Variants in AATK observed in about 807,000 individuals in gnomAD.
AATK encodes the protein lemur tail kinase 1.
Under a neutral mutation model 114.3 loss-of-function variants are expected in AATK, and 91 were observed. That is an observed-to-expected ratio of 0.80 (90% CI 0.67 to 0.95). The LOEUF is 0.95. AATK is among the 40% of genes least tolerant of loss of function. The pLI is 0.00. For synonymous variants in AATK, 1,075 were observed against 916.5 expected (o/e 1.17, Z -3.12); for missense variants, 2,176 against 1,965.2 (o/e 1.11, Z -2.03).
chr17:81,150,687 G>T (rs1280658774), intron 1 of AATK, among the ~76,000 whole-genome samples: 1 of 152,178 alleles, frequency 6.6e-6, no homozygotes, highest in African/African-American at 2.4e-5. Context: ...ACGTGGAAAG[G>T]TGCGGCACAA....
intron 9 of AATK, among the ~76,000 whole-genome samples, chr17:81,123,783 G>GGGCAGGGCTGGGTAACA (rs1380857568): frequency 4.6e-5 from 7 of 150,802 alleles, no homozygotes; most frequent in African/African-American, 1.7e-4. Context: ...AGGCCAGCAT[G>GGGCAGGGCTGGGTAACA]GGCAGGGCTG....
At chr17:81,145,687 C>T (rs192270427) in intron 1 of AATK, among the ~76,000 whole-genome samples, 10 of 133,790 alleles carry the variant, frequency 7.5e-5, no homozygotes, top group Admixed American at 5.2e-4. Flanking sequence ...GAGCGGAAAT[C>T]GTGCCATTGC....
chr17:81,137,932 AC>A (rs1567817312), intron 1 of AATK, among the ~76,000 whole-genome samples: 4 of 117,420 alleles, frequency 3.4e-5, no homozygotes, highest in African/African-American at 6.1e-5. Flanking sequence ...ACACAGCCAC[AC>A]GCACACATCC....
rs1254846136 is a variant in AATK at position 81,130,958 on chromosome 17, C to G, written c.334+103G>C. On this transcript the variant is annotated intron_variant, in intron 3 of 13. Coordinates refer to ENST00000326724, the MANE Select transcript of AATK (RefSeq NM_001080395.3). ...ACAGGCCACTCCCAGCCCTGTGCTGCCCCCACTCCAGAGCTGAGTCTTCCG... is the reference window on the plus strand; with the variant it reads ...ACAGGCCACTCCCAGCCCTGTGCTGGCCCCACTCCAGAGCTGAGTCTTCCG... The G allele has an allele frequency of 1.0e-5, 14 of 1,389,344 alleles. No individual in the cohort carries two copies. The African/African-American group carries it at 1.7e-4, about 17-fold the overall frequency. The allele number at this position is 1,389,344 out of a possible 1,614,324, so 86.1% of individuals were successfully genotyped here.
At chr17:81,165,877 G>A in intron 1 of AATK, 61 bp downstream of exon 1, 1 of 1,548,074 alleles carries the variant, frequency 6.5e-7, no homozygotes, top group Non-Finnish European at 8.7e-7. Flanking sequence ...TGGGGCCCAG[G>A]GGCATCACGT....
At chr17:81,156,195 A>C (rs1009424447) in intron 1 of AATK, among the ~76,000 whole-genome samples, 4 of 138,716 alleles carry the variant, frequency 2.9e-5, no homozygotes, top group African/African-American at 1.1e-4. Flanking sequence ...AATGTATGTT[A>C]TCATGTTACA....
chr17:81,158,288 T>C (rs963611857), intron 1 of AATK, among the ~76,000 whole-genome samples: 6 of 152,310 alleles, frequency 3.9e-5, no homozygotes, highest in African/African-American at 1.4e-4. Context: ...CTCCCCGTCA[T>C]TCATCCCTGG....
intron 3 of AATK, 161 bp from the exon 4 acceptor site, chr17:81,128,710 T>G (rs1419793778): frequency 6.9e-7 from 1 of 1,447,480 alleles, no homozygotes; most frequent in Non-Finnish European, 9.1e-7. Context: ...GGAGCCAGGG[T>G]CTCTTGAGAG....
At chr17:81,150,911 C>T (rs904702213) in intron 1 of AATK, among the ~76,000 whole-genome samples, 10 of 152,216 alleles carry the variant, frequency 6.6e-5, no homozygotes, top group African/African-American at 1.7e-4. Flanking sequence ...CAAGGGCAGA[C>T]GGTACTGGGG....
chr17:81,158,707 A>G (rs2061395774), intron 1 of AATK, among the ~76,000 whole-genome samples: 1 of 152,202 alleles, frequency 6.6e-6, no homozygotes, highest in East Asian at 1.9e-4. Flanking sequence ...GCTGGGCAGG[A>G]CCTGGAAAGG....
rs559355977 is a variant in AATK, at chr17:81,126,926, G to A, written c.622-366C>T. ...CCTGACCTGCCGAAAGCCCAGCCCCGGGACGGTCAACGTCAGGAGTCCAGA... is the reference window on the plus strand; with the variant it reads ...CCTGACCTGCCGAAAGCCCAGCCCCAGGACGGTCAACGTCAGGAGTCCAGA... On this transcript the variant is annotated intron_variant, in intron 6 of 13. Transcript: ENST00000326724. This position sits in a 1 kb window ranked among gnomAD's most constrained non-coding sequence, Gnocchi z 5.1. 84 of 966,518 alleles carry A rather than the reference G, an allele frequency of 8.7e-5. No homozygotes were observed. The African/African-American group carries it at 1.1e-3, about 12-fold the overall frequency. The allele number at this position is 966,518 out of a possible 1,614,324, so 59.9% of individuals were successfully genotyped here.
At chr17:81,140,539 G>A (rs1430292040) in intron 1 of AATK, among the ~76,000 whole-genome samples, 1 of 152,224 alleles carries the variant, frequency 6.6e-6, no homozygotes, top group African/African-American at 2.4e-5. Flanking sequence ...ACGTGAGGCG[G>A]GGCCATTAGC....
chr17:81,139,966 C>T (rs1567819057), intron 1 of AATK, among the ~76,000 whole-genome samples: 1 of 152,220 alleles, frequency 6.6e-6, no homozygotes, highest in Non-Finnish European at 1.5e-5. Flanking sequence ...GTCCACCAGC[C>T]TTGTCCACTG....
At chr17:81,138,856 C>A (rs62648849) in intron 1 of AATK, among the ~76,000 whole-genome samples, 6 of 151,468 alleles carry the variant, frequency 4.0e-5, no homozygotes, top group Non-Finnish European at 7.4e-5. Context: ...GTGCAGATAA[C>A]ACGCACACAT....
intron 1 of AATK, among the ~76,000 whole-genome samples, chr17:81,150,326 G>C (rs12953216): frequency 6.6e-6 from 1 of 151,052 alleles, no homozygotes; most frequent in Non-Finnish European, 1.5e-5. Flanking sequence ...GCTGGGTGGG[G>C]ACAGGCGCCC....
intron 9 of AATK, among the ~76,000 whole-genome samples, chr17:81,124,363 G>A (rs1337604047): frequency 3.3e-5 from 5 of 152,178 alleles, no homozygotes; most frequent in South Asian, 2.1e-4. Context: ...CAGCCCCTCT[G>A]CCTGGCACGG....
chr17:81,132,117 C>T (rs1418236132), intron 2 of AATK: 2 of 996,752 alleles, frequency 2.0e-6, no homozygotes, highest in Non-Finnish European at 2.7e-6. Context: ...GCCAAAGTCT[C>T]CAAAGTCCTG....
At chr17:81,163,018 C>T (rs781724723) in intron 1 of AATK, among the ~76,000 whole-genome samples, 1 of 152,194 alleles carries the variant, frequency 6.6e-6, no homozygotes, top group Non-Finnish European at 1.5e-5. Context: ...CACAGCCATT[C>T]CCACCTTACA....
chr17:81,145,177 G>A (rs751996853), intron 1 of AATK, among the ~76,000 whole-genome samples: 10 of 149,352 alleles, frequency 6.7e-5, no homozygotes, highest in Middle Eastern at 3.5e-3. Context: ...AAAATGCAGT[G>A]AGTCAAGATT....
Sources: gnomAD v4.1 joint callset for allele counts (sites outside exome capture counted in the v4.1 genomes callset) on GRCh38, gnomAD v4.1.1 for gene constraint, Gnocchi (gnomAD v3.1) non-coding constraint, MANE v1.5 for transcripts, NCBI Gene and HGNC (gene_info 2026-07-23, HGNC 2026-07-21) for gene names.